Variants in EMX2 observed in about 807,000 individuals in gnomAD.
EMX2 encodes homeobox protein EMX2.
A neutral mutation model predicts 23.0 loss-of-function variants in EMX2; 6 were observed. The observed-to-expected ratio is 0.26, with a 90% CI of 0.14 to 0.52. The LOEUF (loss-of-function observed/expected upper bound fraction) is 0.52. Ranked by LOEUF, EMX2 falls within the 20% of genes least tolerant of loss-of-function variation. The pLI, the probability that EMX2 is intolerant of heterozygous loss-of-function variation, is 0.97. For missense variants in EMX2, 302 were observed against 341.4 expected, an observed-to-expected ratio of 0.88 and a Z score of 0.91; for synonymous variants, 175 against 153.3, an observed-to-expected ratio of 1.14 and a Z score of -1.04.
Position 117,548,748 on chromosome 10 carries a change from C to G in EMX2, c.*516C>G. On this transcript the variant is annotated 3_prime_UTR_variant, in exon 3 of 3. Transcript: ENST00000553456. ...TTGTTTTTTGCACTTCGCTGTGTTT[C>G]CCCCCCATCTTTAAAAATAATTAGT... The G allele has an allele frequency of 2.5e-6, 1 of 405,586 alleles. No homozygotes were observed. The highest frequency in any genetic ancestry group is 4.3e-6 in the Non-Finnish European group (1 of 230,260). The allele number at this position is 405,586 out of a possible 1,614,324, so 25.1% of individuals were successfully genotyped here.
intron 2 of EMX2, among the ~76,000 whole-genome samples, chr10:117,546,834 T>A (rs1846585296): frequency 6.6e-6 from 1 of 152,258 alleles, no homozygotes; most frequent in African/African-American, 2.4e-5. Context: ...CAAATTAAAT[T>A]CAGCCTTGTT....
chr10:117,544,424 G>A (rs1417392740), intron 1 of EMX2: 1 of 151,066 alleles, frequency 6.6e-6, no homozygotes, highest in African/African-American at 2.4e-5. Context: ...GTCTTAGAGG[G>A]AAATATCTGT....
rs1337308471 is a variant in EMX2 at position 117,543,252 on chromosome 10, C to A, written c.-16C>A. ...CCAGGAGCTGGGAGCCCAGGGCGCC[C>A]GCTCCTCGGCGCAGCATGTTCCAGC... On this transcript the variant is annotated 5_prime_UTR_variant, in exon 1 of 3. Coordinates refer to ENST00000553456, the MANE Select transcript of EMX2 (RefSeq NM_004098.4). 3 of 1,528,396 alleles carry A rather than the reference C, an allele frequency of 2.0e-6. No homozygotes were observed. The highest frequency in any genetic ancestry group is 5.1e-5 in the East Asian group (2 of 39,138). 94.7% of individuals were successfully genotyped at this position (1,528,396 alleles called of 1,614,324 possible).
chr10:117,543,218 C>T lies in EMX2; in HGVS notation c.-50C>T, dbSNP rs1435532889. 3 of 1,295,970 alleles carry T rather than the reference C, an allele frequency of 2.3e-6. No individual in the cohort carries two copies. Among genetic ancestry groups the T allele is most frequent in the African/African-American group, 1.6e-5 (1 of 61,220 alleles). The allele number at this position is 1,295,970 out of a possible 1,614,324, so 80.3% of individuals were successfully genotyped here. On this transcript the variant is annotated 5_prime_UTR_variant, in exon 1 of 3. Transcript: ENST00000553456. ...GGCAGCGGGCGGCGGAGGCAGCGTG[C>T]GGCGGTCGCCAGGAGCTGGGAGCCC...
chr10:117,544,218 T>C, intron 1 of EMX2: 1 of 170,056 alleles, frequency 5.9e-6, no homozygotes, highest in South Asian at 1.6e-4. Context: ...ATGGGATTTG[T>C]TTTTTCTTTC....
chr10:117,543,013 C>T lies in EMX2; in HGVS notation c.-255C>T, dbSNP rs1209655810. On this transcript the variant is annotated 5_prime_UTR_variant, in exon 1 of 3. Coordinates refer to ENST00000553456, the MANE Select transcript of EMX2 (RefSeq NM_004098.4). ...AATTCTTCTGGAAGGATTTTCCCCC[C>T]TCTCTTCAGGTTGGGCGCGTTTGGT... The T allele has an allele frequency of 9.4e-6, 4 of 427,222 alleles. No homozygotes were observed. The Admixed American group carries it at 1.8e-4, about 19-fold the overall frequency. The allele number at this position is 427,222 out of a possible 1,614,324, so 26.5% of individuals were successfully genotyped here.
At position 117,548,266 on chromosome 10, in the gene EMX2, A is replaced by G. The variant is rs56407327; in HGVS notation, c.*34A>G. Reference sequence around the variant, plus strand: ...ACCTAACCCCACAGAAACGGACAACATGGAGCAAAAGAGACAGGGAGAGGT... The same window carrying G: ...ACCTAACCCCACAGAAACGGACAACGTGGAGCAAAAGAGACAGGGAGAGGT... On this transcript the variant is annotated 3_prime_UTR_variant, in exon 3 of 3. Transcript: ENST00000553456. 1.0e-4 allele frequency: 166 copies of G among 1,610,926 alleles called. No individual in the cohort carries two copies. The highest frequency in any genetic ancestry group is 8.6e-5 in the Non-Finnish European group (101 of 1,178,530).
At chr10:117,543,954 C>G (rs1341392523) in intron 1 of EMX2, among the ~76,000 whole-genome samples, 1 of 152,222 alleles carries the variant, frequency 6.6e-6, no homozygotes, top group Admixed American at 6.5e-5. Context: ...CGAATCAGAG[C>G]AGGCTGGGCT....
Position 117,548,396 on chromosome 10 carries a change from C to G in EMX2, c.*164C>G. 1 of 1,148,936 alleles carries G rather than the reference C, an allele frequency of 8.7e-7. No homozygotes were observed. Among genetic ancestry groups the G allele is most frequent in the Non-Finnish European group, 1.2e-6 (1 of 828,138 alleles). The allele number at this position is 1,148,936 out of a possible 1,614,324, so 71.2% of individuals were successfully genotyped here. ...AGCGGAATGCGGCGAAGACTCTGGA[C>G]AGCGAGGGCACAGGGTCCCAAACCG... On this transcript the variant is annotated 3_prime_UTR_variant, in exon 3 of 3. Transcript: ENST00000553456.
chr10:117,545,342 C>T (rs1237504001), intron 1 of EMX2: 2 of 330,510 alleles, frequency 6.1e-6, no homozygotes, highest in Non-Finnish European at 1.1e-5. Flanking sequence ...GCGAGGCCCG[C>T]GGCGCCAGGG....
Position 117,543,589 on chromosome 10 carries a change from C to A in EMX2, c.322C>A (p.Leu108Ile), listed in dbSNP as rs1846529379. ...ACCCTCCTCGCACTCGCCACACCCC[C>A]TATTCGCCTCGCAGCAGCGGGATCC... ...PLPSSHSPHP[L>I]FASQQRDPST... is the part of the protein sequence containing the mutation. Residue 108 changes from leucine (L) to isoleucine (I), a missense_variant, in exon 1 of 3, where the codon CTA (leucine) becomes ATA (isoleucine). Leu to Ile is a conservative substitution (Grantham distance 5). This residue lies in a region of EMX2 where 221 missense variants were observed against 206.8 expected (regional missense o/e 1.07). Transcript: ENST00000553456. 3 of 1,613,524 alleles carry A rather than the reference C, an allele frequency of 1.9e-6. No homozygotes were observed. In the East Asian group the frequency reaches 6.7e-5, roughly 36 times the overall value.
intron 1 of EMX2, chr10:117,545,324 A>C: frequency 3.3e-6 from 1 of 303,474 alleles, no homozygotes; most frequent in Non-Finnish European, 6.0e-6. Flanking sequence ...GCGCCCGGCG[A>C]GGAGGTGGCG....
At position 117,548,548 on chromosome 10, in the gene EMX2, AAGAG is replaced by A. The variant is rs34929200; in HGVS notation, c.*338_*341del. 321,114 of 465,468 alleles carry A rather than the reference AAGAG, an allele frequency of 0.69. 90,763 individuals carry two copies. The highest frequency in any genetic ancestry group is 0.79 in the Admixed American group (20,148 of 25,496). 28.8% of individuals were successfully genotyped at this position (465,468 alleles called of 1,614,324 possible). On this transcript the variant is annotated 3_prime_UTR_variant, in exon 3 of 3. Transcript: ENST00000553456. ...GGAGGGAGAGAGAGAAAGAGAGAGA[AAGAG>A]AGAGAGAGAGAGAGAGAGAGAAAGC...
At chr10:117,546,854 C>CT (rs1384901350) in intron 2 of EMX2, among the ~76,000 whole-genome samples, 2 of 152,236 alleles carry the variant, frequency 1.3e-5, no homozygotes, top group Admixed American at 6.5e-5. Flanking sequence ...TCCCGCTCAG[C>CT]TTTTTTCATG....
Position 117,548,564 on chromosome 10 carries a change from G to T in EMX2, c.*332G>T. On this transcript the variant is annotated 3_prime_UTR_variant, in exon 3 of 3. Transcript: ENST00000553456. ...AGAGAGAGAAAGAGAGAGAGAGAGA[G>T]AGAGAGAGAAAGCTGAACGTGCACT... The T allele has an allele frequency of 1.9e-6, 1 of 521,754 alleles. No individual in the cohort carries two copies. Among genetic ancestry groups the T allele is most frequent in the Non-Finnish European group, 3.3e-6 (1 of 299,026 alleles). The allele number at this position is 521,754 out of a possible 1,614,324, so 32.3% of individuals were successfully genotyped here. A position where few individuals can be genotyped will look rare whatever the true frequency, so the allele number is the denominator to read the frequency against.
intron 2 of EMX2, 42 bp downstream of exon 2, chr10:117,545,858 C>T (rs745903035): frequency 1.9e-6 from 3 of 1,612,412 alleles, no homozygotes; most frequent in African/African-American, 1.3e-5. Context: ...TAGGCGTGCG[C>T]CCCCTCCCCA....
At chr10:117,545,867 C>G in intron 2 of EMX2, 51 bp downstream of exon 2, 1 of 1,611,334 alleles carries the variant, frequency 6.2e-7, no homozygotes, top group Non-Finnish European at 8.5e-7. Flanking sequence ...GCCCCCTCCC[C>G]AAAGCTGGCT....
chr10:117,545,755 A>G lies in EMX2; in HGVS notation c.530A>G (p.His177Arg). The change falls in exon 2 of 3, where the codon CAC becomes CGC. Residue 177 changes from histidine to arginine, a missense_variant. By Grantham distance (29) the His-to-Arg change is conservative (BLOSUM62 0). This residue lies in a region of EMX2 where 37 missense variants were observed against 69.1 expected (regional missense o/e 0.54). Transcript: ENST00000553456. ...CTGGAACACGCCTTTGAGAAGAATC[A>G]CTACGTGGTGGGCGCCGAAAGGAAG... ...LRLEHAFEKNHYVVGAERKQL... is the reference protein window; with the variant it reads ...LRLEHAFEKNRYVVGAERKQL... 1 of 1,613,986 alleles carries G rather than the reference A, an allele frequency of 6.2e-7. No homozygotes were observed. The highest frequency in any genetic ancestry group is 1.1e-5 in the South Asian group (1 of 91,084).
rs1396282562 is a variant in EMX2, at chr10:117,549,540, G to A, written c.*1308G>A. 2.6e-5 allele frequency: 4 copies of A among 152,586 alleles called. No homozygotes were observed. The highest frequency in any genetic ancestry group is 5.9e-5 in the Non-Finnish European group (4 of 68,040). The allele number at this position is 152,586 out of a possible 1,614,324, so 9.5% of individuals were successfully genotyped here. A position where few individuals can be genotyped will look rare whatever the true frequency, so the allele number is the denominator to read the frequency against. Reference sequence around the variant, plus strand: ...TTTGTCAATAAAGATTTATCAATATGCCCTCAGAGTAGTCGTCTTGGGAAA... The same window carrying A: ...TTTGTCAATAAAGATTTATCAATATACCCTCAGAGTAGTCGTCTTGGGAAA... On this transcript the variant is annotated 3_prime_UTR_variant, in exon 3 of 3. Transcript: ENST00000553456.
Sources: allele counts gnomAD v4.1 joint callset (sites outside exome capture counted in the v4.1 genomes callset), GRCh38; gene constraint gnomAD v4.1.1; regional missense constraint gnomAD v4.1.1; transcripts MANE v1.5; gene names NCBI Gene and HGNC (gene_info 2026-07-23, HGNC 2026-07-21).